SPOP: variants seen among roughly 807,000 people sequenced by gnomAD.
SPOP encodes speckle type BTB/POZ protein.
Under a neutral mutation model 45.6 loss-of-function variants are expected in SPOP, and 11 were observed. The ratio of observed to expected loss-of-function variants is 0.24; its 90% CI spans 0.15 to 0.40. SPOP has a LOEUF of 0.40. Among genes scored for constraint, SPOP ranks in the 10% least tolerant of loss-of-function variants. The probability of loss-of-function intolerance (pLI) is 1.00; values close to 1 mark genes in which losing one functional copy is unlikely to be tolerated. For synonymous variants in SPOP, 166 were observed against 166.3 expected (o/e 1.00, Z 0.01); for missense variants, 152 against 465.6 (o/e 0.33, Z 6.20).
intron 1 of SPOP, among the ~76,000 whole-genome samples, chr17:49,648,378 T>C (rs2072791616): frequency 6.6e-6 from 1 of 152,182 alleles, no homozygotes; most frequent in African/African-American, 2.4e-5. Context: ...TATCACTAAC[T>C]TTACTCCAAA....
chr17:49,621,746 A>C (rs1192108468), intron 3 of SPOP, among the ~76,000 whole-genome samples, 200 bp downstream of exon 3: 2 of 152,248 alleles, frequency 1.3e-5, no homozygotes, highest in Non-Finnish European at 2.9e-5. Flanking sequence ...GATTTCTGAT[A>C]TACTCATTGA....
intron 1 of SPOP, among the ~76,000 whole-genome samples, chr17:49,671,683 T>A (rs1225497839): frequency 6.6e-6 from 1 of 152,040 alleles, no homozygotes; most frequent in Non-Finnish European, 1.5e-5. Flanking sequence ...AGAAAAAAAA[T>A]TAAGAATTTA....
intron 1 of SPOP, chr17:49,646,486 C>G (rs1395793879): frequency 6.6e-6 from 1 of 150,380 alleles, no homozygotes; most frequent in Admixed American, 6.7e-5. Context: ...GAGCCGAGAT[C>G]ACGCCACTGC....
chr17:49,611,602 G>C (rs2071974557), intron 5 of SPOP, 145 bp from the exon 6 acceptor site: 1 of 727,932 alleles, frequency 1.4e-6, no homozygotes, highest in Admixed American at 2.8e-5. Context: ...ACAAATCAAG[G>C]CTTTAGCCCC....
At chr17:49,604,401 G>T (rs2071796725) in intron 8 of SPOP, among the ~76,000 whole-genome samples, 1 of 152,044 alleles carries the variant, frequency 6.6e-6, no homozygotes, top group Non-Finnish European at 1.5e-5. Flanking sequence ...GCATTTACCT[G>T]CCCCATCCTC....
intron 6 of SPOP, 147 bp downstream of exon 6, chr17:49,611,133 T>C (rs111798524): frequency 7.9e-6 from 7 of 891,336 alleles, no homozygotes; most frequent in Non-Finnish European, 1.2e-5. Context: ...TTCTGAGCAT[T>C]GTTACCGGAA....
chr17:49,627,756 C>G (rs2072365456), intron 1 of SPOP, among the ~76,000 whole-genome samples: 2 of 152,284 alleles, frequency 1.3e-5, no homozygotes, highest in Admixed American at 6.5e-5. Context: ...CTACTTTGAT[C>G]TTGACCATTT....
At chr17:49,607,513 C>T (rs111919279) in intron 7 of SPOP, 141 bp from the exon 8 acceptor site, 34 of 1,129,050 alleles carry the variant, frequency 3.0e-5, no homozygotes, top group African/African-American at 2.7e-4. Flanking sequence ...TTTCTTTGCC[C>T]GGCTTGATTA....
chr17:49,615,913 A>T (rs958138667), intron 5 of SPOP, among the ~76,000 whole-genome samples: 1 of 141,000 alleles, frequency 7.1e-6, no homozygotes, highest in Non-Finnish European at 1.6e-5. Context: ...GAAATGAAGA[A>T]AACAGAACTA....
chr17:49,645,099 T>TTTAAATAGA (rs1349592550), intron 1 of SPOP, among the ~76,000 whole-genome samples: 9 of 152,170 alleles, frequency 5.9e-5, no homozygotes, highest in Non-Finnish European at 1.0e-4. Context: ...AAAGCAATAT[T>TTTAAATAGA]TTAAATAGAT....
At chr17:49,669,594 G>A (rs1270279978) in intron 1 of SPOP, among the ~76,000 whole-genome samples, 6 of 149,168 alleles carry the variant, frequency 4.0e-5, no homozygotes, top group Non-Finnish European at 6.0e-5. Flanking sequence ...GTGAAATCCC[G>A]TCTCTACTAA....
intron 1 of SPOP, among the ~76,000 whole-genome samples, chr17:49,647,110 T>C (rs2143470602): frequency 6.6e-6 from 1 of 151,598 alleles, no homozygotes; most frequent in African/African-American, 2.4e-5. Context: ...GCCAACATGG[T>C]AGAACCCTGT....
rs912063943 is a variant in SPOP at position 49,678,068 on chromosome 17, T to C, written c.-202A>G. 2.8e-5 allele frequency: 11 copies of C among 396,800 alleles called. No individual in the cohort carries two copies. The highest frequency in any genetic ancestry group is 4.4e-5 in the Non-Finnish European group (10 of 225,176). The allele number at this position is 396,800 out of a possible 1,614,324, so 24.6% of individuals were successfully genotyped here. On this transcript the variant is annotated 5_prime_UTR_variant, in exon 1 of 10. An upstream start codon of the reference 5' UTR is lost. Coordinates refer to ENST00000504102, the MANE Select transcript of SPOP (RefSeq NM_001007228.2). ...GAGCGCGCACACTCACACACACACA[T>C]ACACACCGACACACACCAGCCGGGG...
chr17:49,618,537 C>T (rs1412869109), intron 5 of SPOP: 1 of 456,388 alleles, frequency 2.2e-6, no homozygotes, highest in Non-Finnish European at 4.4e-6. Flanking sequence ...GCAAGACAAA[C>T]CATAGGCCTC....
intron 1 of SPOP, among the ~76,000 whole-genome samples, chr17:49,648,035 T>C (rs1410073587): frequency 6.6e-6 from 1 of 152,164 alleles, no homozygotes; most frequent in Non-Finnish European, 1.5e-5. Flanking sequence ...TTCAACTCAA[T>C]TGCTTAAGCT....
At chr17:49,658,018 A>G (rs1360470358) in intron 1 of SPOP, among the ~76,000 whole-genome samples, 1 of 152,174 alleles carries the variant, frequency 6.6e-6, no homozygotes, top group Non-Finnish European at 1.5e-5. Context: ...CACAATTTAT[A>G]AGGAAAAACT....
intron 5 of SPOP, chr17:49,618,464 C>T: frequency 2.3e-6 from 1 of 441,120 alleles, no homozygotes; most frequent in South Asian, 1.6e-5. Context: ...AGTTAGAGAG[C>T]TTTACATAGC....
chr17:49,674,566 TCAG>T (rs1156327913), intron 1 of SPOP, among the ~76,000 whole-genome samples: 5 of 152,236 alleles, frequency 3.3e-5, no homozygotes, highest in African/African-American at 7.2e-5. Flanking sequence ...TATTCTGCTA[TCAG>T]CAGACTTAAA....
chr17:49,626,160 T>G (rs767421419), intron 1 of SPOP, among the ~76,000 whole-genome samples: 1 of 152,166 alleles, frequency 6.6e-6, no homozygotes, highest in Non-Finnish European at 1.5e-5. Context: ...CCCTCCTTGC[T>G]TGGCTACTAA....
Sources: gnomAD v4.1 joint callset for allele counts (sites outside exome capture counted in the v4.1 genomes callset) on GRCh38, gnomAD v4.1.1 for gene constraint, MANE v1.5 for transcripts, NCBI Gene and HGNC (gene_info 2026-07-23, HGNC 2026-07-21) for gene names.